LMTK2: variants seen among roughly 807,000 people sequenced by gnomAD.
LMTK2 encodes lemur tail kinase 2, also known as serine/threonine-protein kinase LMTK2.
In LMTK2, 37 loss-of-function variants were observed where a neutral mutation model predicts 127.5. The observed-to-expected ratio is 0.29, with a 90% CI of 0.22 to 0.38. LMTK2 has a LOEUF of 0.38. LMTK2 is among the 10% of genes least tolerant of loss of function. The pLI, the probability that LMTK2 is intolerant of heterozygous loss-of-function variation, is 1.00. For synonymous variants in LMTK2, 819 were observed against 810.1 expected (o/e 1.01, Z -0.19); for missense variants, 1,694 against 1,920.3 (o/e 0.88, Z 2.20).
At chr7:98,197,313 C>G (rs1797637894) in intron 11 of LMTK2, among the ~76,000 whole-genome samples, 1 of 152,172 alleles carries the variant, frequency 6.6e-6, no homozygotes, top group Admixed American at 6.5e-5. Flanking sequence ...GGGTCTGGCC[C>G]CAGTGAGTAG....
chr7:98,205,675 T>A lies in LMTK2; in HGVS notation c.*183T>A. On this transcript the variant is annotated 3_prime_UTR_variant, in exon 14 of 14. Transcript: ENST00000297293. Reference sequence around the variant, plus strand: ...AAGGCGGGGCCCTCGGGAGCCCAGGTGCAGAGCGAGGCCGTGTCCAGGAGC... The same window carrying A: ...AAGGCGGGGCCCTCGGGAGCCCAGGAGCAGAGCGAGGCCGTGTCCAGGAGC... 1.5e-6 allele frequency: 1 copy of A among 674,232 alleles called. No homozygotes were observed. Among genetic ancestry groups the A allele is most frequent in the South Asian group, 1.8e-5 (1 of 56,130 alleles). 41.8% of individuals were successfully genotyped at this position (674,232 alleles called of 1,614,324 possible). A position where few individuals can be genotyped will look rare whatever the true frequency, so the allele number is the denominator to read the frequency against.
At chr7:98,129,547 G>A (rs1796492913) in intron 1 of LMTK2, among the ~76,000 whole-genome samples, 1 of 151,580 alleles carries the variant, frequency 6.6e-6, no homozygotes, top group Admixed American at 6.6e-5. Flanking sequence ...CACACTTTTT[G>A]TAGAGATGAT....
intron 8 of LMTK2, among the ~76,000 whole-genome samples, chr7:98,185,645 G>A (rs955567651): frequency 1.3e-5 from 2 of 152,048 alleles, no homozygotes; most frequent in Non-Finnish European, 2.9e-5. Flanking sequence ...GAGGTAGAGC[G>A]TTCTGGGGCA....
At chr7:98,172,421 A>G (rs934274696) in intron 7 of LMTK2, among the ~76,000 whole-genome samples, 4 of 149,442 alleles carry the variant, frequency 2.7e-5, no homozygotes, top group Admixed American at 1.3e-4. Context: ...GAATGACCGT[A>G]GTTCTTTGGA....
chr7:98,141,302 A>T (rs564565854), intron 2 of LMTK2, 95 bp from the exon 3 acceptor site: 8 of 1,224,962 alleles, frequency 6.5e-6, no homozygotes, highest in Non-Finnish European at 9.4e-6. Flanking sequence ...CTGGAAAAAA[A>T]TAATTGTGGC....
At position 98,206,881 on chromosome 7, in the gene LMTK2, A is replaced by G. The variant is rs1393301089; in HGVS notation, c.*1389A>G. 1.3e-5 allele frequency: 2 copies of G among 152,294 alleles called. No individual in the cohort carries two copies. Among genetic ancestry groups the G allele is most frequent in the East Asian group, 1.9e-4 (1 of 5,192 alleles). The allele number at this position is 152,294 out of a possible 1,614,324, so 9.4% of individuals were successfully genotyped here. Reference sequence around the variant, plus strand: ...CGACGGCAGAGCATCAGCAGCCGACACATAGTTCGGGTCGGGGCCTTGGGT... The same window carrying G: ...CGACGGCAGAGCATCAGCAGCCGACGCATAGTTCGGGTCGGGGCCTTGGGT... On this transcript the variant is annotated 3_prime_UTR_variant, in exon 14 of 14. Coordinates refer to ENST00000297293, the MANE Select transcript of LMTK2 (RefSeq NM_014916.4).
At chr7:98,150,041 G>A (rs1796829975) in intron 3 of LMTK2, among the ~76,000 whole-genome samples, 1 of 152,130 alleles carries the variant, frequency 6.6e-6, no homozygotes, top group South Asian at 2.1e-4. Flanking sequence ...GATATCATTA[G>A]GCATTAAGAA....
chr7:98,170,440 T>C (rs542888026), intron 6 of LMTK2, among the ~76,000 whole-genome samples: 1 of 152,330 alleles, frequency 6.6e-6, no homozygotes, highest in Non-Finnish European at 1.5e-5. Flanking sequence ...AAGGTTTTAT[T>C]CTGGGAGGTA....
chr7:98,198,638 C>T (rs1156969097), intron 11 of LMTK2, among the ~76,000 whole-genome samples: 1 of 152,130 alleles, frequency 6.6e-6, no homozygotes, highest in African/African-American at 2.4e-5. Flanking sequence ...CCACAGGCGC[C>T]CACCACCGTG....
At chr7:98,133,818 C>T (rs1365741455) in intron 1 of LMTK2, among the ~76,000 whole-genome samples, 1 of 152,126 alleles carries the variant, frequency 6.6e-6, no homozygotes, top group Non-Finnish European at 1.5e-5. Flanking sequence ...ACAGAGGACA[C>T]TTTCATGAAT....
At chr7:98,175,075 G>A (rs1012839417) in intron 7 of LMTK2, among the ~76,000 whole-genome samples, 24 of 152,182 alleles carry the variant, frequency 1.6e-4, no homozygotes, top group Non-Finnish European at 2.8e-4. Context: ...TGAGGCTTGG[G>A]GTGCTGAGCG....
At position 98,113,190 on chromosome 7, in the gene LMTK2, C is replaced by G. The variant is rs1584239921; in HGVS notation, c.103+5910C>G. 2.6e-5 allele frequency among the ~76,000 whole-genome samples: 4 copies of G among 152,180 alleles called. 1 individual carries two copies. In the South Asian group the frequency reaches 8.3e-4, roughly 32 times the overall value. On this transcript the variant is annotated intron_variant, in intron 1 of 13. Transcript: ENST00000297293. ...TAGTTGAATCATGGGGGTGGTTACC[C>G]CCATGCTATTCTTGTGATAGTGAAT...
Position 98,209,371 on chromosome 7 carries a change from T to C in LMTK2, c.*3879T>C, listed in dbSNP as rs1445524487. On this transcript the variant is annotated 3_prime_UTR_variant, in exon 14 of 14. Transcript: ENST00000297293. ...CCGAGCGGGATCTTGATCATGGGGC[T>C]GGTGTATGGATCCACCGTCGGATTC... 1.3e-5 allele frequency: 2 copies of C among 152,214 alleles called. No individual in the cohort carries two copies. Among genetic ancestry groups the C allele is most frequent in the Admixed American group, 1.3e-4 (2 of 15,276 alleles). 9.4% of individuals were successfully genotyped at this position (152,214 alleles called of 1,614,324 possible).
At chr7:98,152,293 G>A (rs1487737988) in intron 4 of LMTK2, among the ~76,000 whole-genome samples, 3 of 152,188 alleles carry the variant, frequency 2.0e-5, no homozygotes, top group East Asian at 1.9e-4. Context: ...TACTGCAGTC[G>A]TGCTCTGCAA....
chr7:98,119,822 G>A (rs906809892), intron 1 of LMTK2, among the ~76,000 whole-genome samples: 55 of 152,130 alleles, frequency 3.6e-4, no homozygotes, highest in Admixed American at 3.2e-3. Flanking sequence ...TAATCTATAC[G>A]GTAACTTGCA....
chr7:98,109,968 G>T (rs1462797832), intron 1 of LMTK2, among the ~76,000 whole-genome samples: 1 of 152,122 alleles, frequency 6.6e-6, no homozygotes, highest in African/African-American at 2.4e-5. Flanking sequence ...GTAGATAAAA[G>T]AGCAGTTACA....
At chr7:98,152,373 A>G (rs1474567870) in intron 4 of LMTK2, among the ~76,000 whole-genome samples, 1 of 152,244 alleles carries the variant, frequency 6.6e-6, no homozygotes, top group Non-Finnish European at 1.5e-5. Flanking sequence ...ACTTCCCAGT[A>G]GTCAGCCATC....
intron 1 of LMTK2, among the ~76,000 whole-genome samples, chr7:98,126,244 T>C (rs1796441856): frequency 6.6e-6 from 1 of 152,200 alleles, no homozygotes; most frequent in African/African-American, 2.4e-5. Context: ...AATCTAGTAC[T>C]GCCATTGACT....
At chr7:98,131,749 T>C (rs538607720) in intron 1 of LMTK2, among the ~76,000 whole-genome samples, 1 of 152,328 alleles carries the variant, frequency 6.6e-6, no homozygotes, top group Admixed American at 6.5e-5. Flanking sequence ...AAACAAAAAC[T>C]GTGGGCAGGA....
Sources: allele counts gnomAD v4.1 joint callset (sites outside exome capture counted in the v4.1 genomes callset), GRCh38; gene constraint gnomAD v4.1.1; transcripts MANE v1.5; gene names NCBI Gene and HGNC (gene_info 2026-07-23, HGNC 2026-07-21).